Variants in HYDIN observed in about 807,000 individuals in gnomAD.
HYDIN encodes the protein axonemal central pair apparatus protein HYDIN.
Under a neutral mutation model 403.9 loss-of-function variants are expected in HYDIN, and 132 were observed. The observed-to-expected ratio is 0.33, with a 90% CI of 0.28 to 0.38. HYDIN has a LOEUF of 0.38. Among genes scored for constraint, HYDIN ranks in the 10% least tolerant of loss-of-function variants. The pLI is 1.00. For missense variants in HYDIN, 2,827 were observed against 5,009.5 expected (o/e 0.56, Z 13.15); for synonymous variants, 1,202 against 1,891.7 (o/e 0.64, Z 9.46).
chr16:70,932,228 G>A (rs1272829938), intron 45 of HYDIN, among the ~76,000 whole-genome samples: 2 of 149,696 alleles, frequency 1.3e-5, no homozygotes, highest in African/African-American at 2.4e-5. Context: ...GGTGGCGGGC[G>A]CCTGTAATCC....
chr16:71,012,847 C>CTTTT (rs35998725), intron 23 of HYDIN, among the ~76,000 whole-genome samples: 1 of 125,774 alleles, frequency 8.0e-6, no homozygotes, highest in Admixed American at 8.0e-5. Context: ...AACCAGGTGG[C>CTTTT]TTTTTTTTTT....
rs975664496 is a variant in HYDIN, at chr16:71,117,823, G to A, written c.1228-2028C>T. Among the ~76,000 whole-genome samples, 5 of 151,990 alleles carry A rather than the reference G, an allele frequency of 3.3e-5. No homozygotes were observed. In the East Asian group the frequency reaches 5.8e-4, roughly 18 times the overall value. On this transcript the variant is annotated intron_variant, in intron 9 of 85. Coordinates refer to ENST00000393567, the MANE Select transcript of HYDIN (RefSeq NM_001270974.2). ...ACAAGAGGGAGAAAATAAAAATCTA[G>A]AGCCAATTTGGGTTTATTAATTAAC...
intron 23 of HYDIN, among the ~76,000 whole-genome samples, chr16:71,004,095 A>G (rs1469253432): frequency 6.6e-6 from 1 of 151,624 alleles, no homozygotes; most frequent in Non-Finnish European, 1.5e-5. Context: ...TGGGCAGATC[A>G]CCTGAGGTCA....
chr16:70,871,372 G>A (rs2040087197), intron 65 of HYDIN, among the ~76,000 whole-genome samples: 1 of 152,184 alleles, frequency 6.6e-6, no homozygotes, highest in African/African-American at 2.4e-5. Context: ...GAAGACACTG[G>A]GGTGTGCCAG....
intron 54 of HYDIN, among the ~76,000 whole-genome samples, chr16:70,895,450 G>C (rs2076173864): frequency 6.6e-6 from 1 of 151,848 alleles, no homozygotes; most frequent in African/African-American, 2.4e-5. Context: ...GTGAGATGGA[G>C]TTGGCCCAAC....
At chr16:71,070,072 G>A (rs983950643) in intron 13 of HYDIN, among the ~76,000 whole-genome samples, 1 of 152,120 alleles carries the variant, frequency 6.6e-6, no homozygotes, top group Admixed American at 6.5e-5. Context: ...TTTCCCAAGA[G>A]AGACTTTACA....
Position 70,850,631 on chromosome 16 carries a change from T to C in HYDIN, c.12468A>G (p.Thr4156=), listed in dbSNP as rs1798315. The change falls in exon 74 of 86, where the codon ACA becomes ACG. Residue 4156 remains threonine, a synonymous_variant. Transcript: ENST00000393567. ...LSRFPIDIFF[T]PKQEGDVNFN... is the part of the protein sequence containing the mutation. The stretch of plus-strand genomic sequence containing the variant: ...AGTTCACATCTCCTTCCTGCTTTGG[T>C]GTGAAGAAAATATCAATTGGGAACC... The C allele has an allele frequency of 6.2e-7, 1 of 1,613,972 alleles. No homozygotes were observed. The highest frequency in any genetic ancestry group is 1.7e-5 in the Admixed American group (1 of 60,006).
At chr16:71,198,123 T>A (rs1417441152) in intron 1 of HYDIN, among the ~76,000 whole-genome samples, 3 of 152,234 alleles carry the variant, frequency 2.0e-5, no homozygotes, top group African/African-American at 7.2e-5. Context: ...TCTAGATGAA[T>A]GGAATCACAT....
chr16:70,877,550 G>A (rs548367168), intron 62 of HYDIN, among the ~76,000 whole-genome samples: 7 of 152,340 alleles, frequency 4.6e-5, no homozygotes, highest in African/African-American at 1.7e-4. Context: ...ATGGTTTTGG[G>A]TTGAAACTGT....
At chr16:70,921,515 A>T in intron 45 of HYDIN, among the ~76,000 whole-genome samples, 1 of 152,146 alleles carries the variant, frequency 6.6e-6, no homozygotes, top group Non-Finnish European at 1.5e-5. Context: ...GTTCTGCAGG[A>T]TCAAGGGGAA....
intron 18 of HYDIN, among the ~76,000 whole-genome samples, chr16:71,050,762 T>G (rs1407924492): frequency 6.6e-6 from 1 of 151,960 alleles, no homozygotes; most frequent in Non-Finnish European, 1.5e-5. Context: ...CCAATACATT[T>G]GCAAACTTTG....
At chr16:70,925,013 T>C (rs2077106255) in intron 45 of HYDIN, among the ~76,000 whole-genome samples, 1 of 152,050 alleles carries the variant, frequency 6.6e-6, no homozygotes, top group South Asian at 2.1e-4. Flanking sequence ...CCACCTGAAA[T>C]AGCCCCGCCC....
At position 71,021,452 on chromosome 16, in the gene HYDIN, T is replaced by C. The variant is rs139569051; in HGVS notation, c.3187-1135A>G. Among the ~76,000 whole-genome samples, 1,067 of 152,200 alleles carry C rather than the reference T, an allele frequency of 7.0e-3. 8 individuals are homozygous for C. Among genetic ancestry groups the C allele is most frequent in the African/African-American group, 0.025 (1,022 of 41,520 alleles). Reference sequence around the variant, plus strand: ...CGATGGTCTTGATATCTTGACCTCATGATCCACCCGCCTCAGCCTCCCAAA... The same window carrying C: ...CGATGGTCTTGATATCTTGACCTCACGATCCACCCGCCTCAGCCTCCCAAA... On this transcript the variant is annotated intron_variant, in intron 21 of 85. Transcript: ENST00000393567.
Position 71,094,095 on chromosome 16 carries a change from T to A in HYDIN, c.1328-160A>T, listed in dbSNP as rs985948358. ...TTTAACTAACGCTGAAGATTCATCCTATATGGGAGCCAATCATAATCCTGA... is the reference window on the plus strand; with the variant it reads ...TTTAACTAACGCTGAAGATTCATCCAATATGGGAGCCAATCATAATCCTGA... On this transcript the variant is annotated intron_variant, in intron 10 of 85. Coordinates refer to ENST00000393567, the MANE Select transcript of HYDIN (RefSeq NM_001270974.2). Among the ~76,000 whole-genome samples the A allele has an allele frequency of 3.8e-4, 58 of 152,276 alleles. 1 individual carries two copies. Among genetic ancestry groups the A allele is most frequent in the Admixed American group, 3.3e-4 (5 of 15,284 alleles).
chr16:71,102,164 T>C (rs376951757), intron 10 of HYDIN, among the ~76,000 whole-genome samples: 1 of 151,912 alleles, frequency 6.6e-6, no homozygotes. Flanking sequence ...AGGAAATGAT[T>C]AACTGACTAC....
In HYDIN at chr16:70,804,280, A is replaced by G. The variant is rs1479926491; in HGVS notation, c.*3300T>C. On this transcript the variant is annotated 3_prime_UTR_variant, in exon 86 of 86. Coordinates refer to ENST00000393567, the MANE Select transcript of HYDIN (RefSeq NM_001270974.2). ...TTTGGACCCTAGACTCAGTGGTGTT[A>G]TAGGACCAACACGTTTGTGTGCCCA... 3.3e-5 allele frequency among the ~76,000 whole-genome samples: 5 copies of G among 152,214 alleles called. No homozygotes were observed. The East Asian group carries it at 9.6e-4, about 29-fold the overall frequency.
rs189115029 is a variant in HYDIN at position 71,133,924 on chromosome 16, A to T, written c.1043+3227T>A. Among the ~76,000 whole-genome samples the T allele has an allele frequency of 2.3e-3, 351 of 152,312 alleles. 5 individuals are homozygous for T. Among genetic ancestry groups the T allele is most frequent in the African/African-American group, 7.2e-3 (300 of 41,544 alleles). On this transcript the variant is annotated intron_variant, in intron 8 of 85. Coordinates refer to ENST00000393567, the MANE Select transcript of HYDIN (RefSeq NM_001270974.2). Reference sequence around the variant, plus strand: ...ATTATCAAGTTAAAAAAAAAAATTTAAAGTACAGAACTTCTTCCCACGGGG... The same window carrying T: ...ATTATCAAGTTAAAAAAAAAAATTTTAAGTACAGAACTTCTTCCCACGGGG...
intron 1 of HYDIN, among the ~76,000 whole-genome samples, chr16:71,197,629 G>T (rs1377067616): frequency 1.3e-5 from 2 of 152,176 alleles, no homozygotes; most frequent in Non-Finnish European, 2.9e-5. Context: ...CCGAGGTTAA[G>T]AAACAGAGCA....
chr16:71,189,510 G>A (rs1277093087), intron 1 of HYDIN, among the ~76,000 whole-genome samples: 1 of 152,056 alleles, frequency 6.6e-6, no homozygotes, highest in Non-Finnish European at 1.5e-5. Context: ...GCTCACACCC[G>A]TAATCTCAGC....
Sources: gnomAD v4.1 joint callset for allele counts (sites outside exome capture counted in the v4.1 genomes callset) on GRCh38, gnomAD v4.1.1 for gene constraint, MANE v1.5 for transcripts, NCBI Gene and HGNC (gene_info 2026-07-23, HGNC 2026-07-21) for gene names.